Variants in CD163L1 observed in about 807,000 individuals in gnomAD.
CD163L1 encodes the protein scavenger receptor cysteine-rich type 1 protein M160.
CD163L1 carries 124 observed loss-of-function variants against 165.4 expected under a neutral mutation model. That is an observed-to-expected ratio of 0.75 (90% CI 0.65 to 0.87). CD163L1 has a LOEUF of 0.87. Ranked by LOEUF, CD163L1 falls within the 40% of genes least tolerant of loss-of-function variation. CD163L1 has a pLI of 0.00. For missense variants in CD163L1, 1,525 were observed against 1,799.9 expected, an observed-to-expected ratio of 0.85 and a Z score of 2.76; for synonymous variants, 585 against 662.2, an observed-to-expected ratio of 0.88 and a Z score of 1.79.
rs1194493137 is a variant in CD163L1 at position 7,398,004 on chromosome 12, A to C, written c.1729+260T>G. Reference sequence around the variant, plus strand: ...ATCCAAAGGTGGCCTACACTTAATGAAGTTAAAAGGCCAAACTGCTTCTGT... The same window carrying C: ...ATCCAAAGGTGGCCTACACTTAATGCAGTTAAAAGGCCAAACTGCTTCTGT... On this transcript the variant is annotated intron_variant, in intron 7 of 19. Coordinates refer to ENST00000313599, the MANE Select transcript of CD163L1 (RefSeq NM_174941.6). This position sits in a 1 kb window ranked among gnomAD's most constrained non-coding sequence, Gnocchi z 4.5. Among the ~76,000 whole-genome samples the C allele has an allele frequency of 6.6e-6, 1 of 152,178 alleles. No individual in the cohort carries two copies. The highest frequency in any genetic ancestry group is 1.5e-5 in the Non-Finnish European group (1 of 68,030).
intron 2 of CD163L1, chr12:7,439,885 C>A: frequency 2.5e-6 from 4 of 1,606,210 alleles, no homozygotes; most frequent in Non-Finnish European, 3.4e-6. Flanking sequence ...ATTATCCCCG[C>A]CCACTACTCC....
chr12:7,361,979 T>C (rs1177178033), intron 18 of CD163L1, among the ~76,000 whole-genome samples: 1 of 151,802 alleles, frequency 6.6e-6, no homozygotes, highest in Non-Finnish European at 1.5e-5. Context: ...GATTGCTCTA[T>C]GTACCTCTTA....
the CD163L1 span, among the ~76,000 whole-genome samples, chr12:7,333,789 A>G: frequency 6.6e-6 from 1 of 152,218 alleles, no homozygotes; most frequent in East Asian, 1.9e-4. Flanking sequence ...TAGACACCAT[A>G]AAAAATGACA....
In CD163L1 at chr12:7,402,893, A is replaced by G. The variant is rs186572543; in HGVS notation, c.1408+642T>C. Among the ~76,000 whole-genome samples the G allele has an allele frequency of 4.4e-4, 67 of 152,226 alleles. 1 individual carries two copies. Among genetic ancestry groups the G allele is most frequent in the Non-Finnish European group, 5.9e-5 (4 of 68,026 alleles). On this transcript the variant is annotated intron_variant, in intron 6 of 19. Coordinates refer to ENST00000313599, the MANE Select transcript of CD163L1 (RefSeq NM_174941.6). Reference sequence around the variant, plus strand: ...AGTGATCTTCCTGTGGTAGTCTCCCAAAGTGTTGGGGTTACAGGTGTGAGC... The same window carrying G: ...AGTGATCTTCCTGTGGTAGTCTCCCGAAGTGTTGGGGTTACAGGTGTGAGC...
At position 7,381,218 on chromosome 12, in the gene CD163L1, A is replaced by G. The variant is rs1160459493; in HGVS notation, c.2051-1920T>C. On this transcript the variant is annotated intron_variant, in intron 8 of 19. Transcript: ENST00000313599. ...ACAGATCTGACATGTCAGAAAATCA[A>G]CTCTGACTTTGACCAGATCAAACCT... 2.0e-5 allele frequency among the ~76,000 whole-genome samples: 3 copies of G among 152,100 alleles called. No individual in the cohort carries two copies. The East Asian group carries it at 5.8e-4, about 29-fold the overall frequency.
Position 7,369,335 on chromosome 12 carries a change from A to G in CD163L1, c.4039+22T>C. 6.2e-7 allele frequency: 1 copy of G among 1,606,470 alleles called. No individual in the cohort carries two copies. The highest frequency in any genetic ancestry group is 8.5e-7 in the Non-Finnish European group (1 of 1,175,154). On this transcript the variant is annotated intron_variant, in intron 15 of 19. Transcript: ENST00000313599. This position sits in a 1 kb window ranked among gnomAD's most constrained non-coding sequence, Gnocchi z 4.9. ...TACCATTAGTGGGAGGCTCAGTTTA[A>G]GTGCAGCCTTTTCACACTTACCAGA...
intron 6 of CD163L1, among the ~76,000 whole-genome samples, chr12:7,399,442 T>A: frequency 6.6e-6 from 1 of 150,680 alleles, no homozygotes; most frequent in Admixed American, 6.6e-5. Context: ...TTCTTCTTCC[T>A]CTTCCTCTTC....
chr12:7,440,200 C>T (rs1157131581), intron 2 of CD163L1, among the ~76,000 whole-genome samples: 1 of 152,216 alleles, frequency 6.6e-6, no homozygotes, highest in Non-Finnish European at 1.5e-5. Context: ...GGACACTTAA[C>T]ACTCGCGTCG....
the CD163L1 span, among the ~76,000 whole-genome samples, chr12:7,321,573 G>C: frequency 3.8e-3 from 574 of 152,274 alleles, 3 homozygotes; most frequent in African/African-American, 0.013. Context: ...TCAGCATCTT[G>C]TTCACATTTC....
the CD163L1 span, among the ~76,000 whole-genome samples, chr12:7,318,891 T>TAA: frequency 1.6e-4 from 25 of 152,194 alleles, no homozygotes; most frequent in African/African-American, 4.8e-5. Flanking sequence ...GACAAGATGG[T>TAA]TTAAGGCAGC....
intron 8 of CD163L1, among the ~76,000 whole-genome samples, chr12:7,395,359 C>T (rs1947750133): frequency 7.3e-6 from 1 of 137,394 alleles, no homozygotes; most frequent in South Asian, 2.3e-4. Context: ...AAACCAAACA[C>T]CCCATGTTCT....
At position 7,368,974 on chromosome 12, in the gene CD163L1, G is replaced by A; in HGVS notation, c.4040-9C>T. On this transcript the variant is annotated splice_polypyrimidine_tract_variant and intron_variant, in intron 15 of 19. Coordinates refer to ENST00000313599, the MANE Select transcript of CD163L1 (RefSeq NM_174941.6). The surrounding 1 kb of genome is among the most constrained non-coding windows in gnomAD (Gnocchi z 4.3). ...TGATTTCAGCGACTGTCCTGAGAGA[G>A]AGAGAGAGAGAGAGAGACGTAAATG... The A allele has an allele frequency of 6.2e-7, 1 of 1,608,840 alleles. No individual in the cohort carries two copies. Among genetic ancestry groups the A allele is most frequent in the Non-Finnish European group, 8.5e-7 (1 of 1,176,132 alleles).
At chr12:7,355,301 C>A (rs1264304323) in intron 19 of CD163L1, among the ~76,000 whole-genome samples, 171 bp from the exon 20 acceptor site, 1 of 152,090 alleles carries the variant, frequency 6.6e-6, no homozygotes, top group Non-Finnish European at 1.5e-5. Flanking sequence ...ATTAATATTT[C>A]TTTTTTGTGC....
the CD163L1 span, among the ~76,000 whole-genome samples, chr12:7,332,140 A>T: frequency 6.6e-6 from 1 of 152,360 alleles, no homozygotes; most frequent in South Asian, 2.1e-4. Context: ...ACGAATGCAC[A>T]AGCCTCAGTA....
intron 4 of CD163L1, among the ~76,000 whole-genome samples, chr12:7,409,325 G>A (rs1187095454): frequency 2.0e-5 from 3 of 152,052 alleles, no homozygotes; most frequent in Non-Finnish European, 4.4e-5. Context: ...CACCAAAGGA[G>A]ACCCTCAATA....
At chr12:7,383,217 G>A (rs1406006634) in intron 8 of CD163L1, among the ~76,000 whole-genome samples, 1 of 152,108 alleles carries the variant, frequency 6.6e-6, no homozygotes, top group Non-Finnish European at 1.5e-5. Flanking sequence ...ACTCACCATA[G>A]TCTGTCCCTG....
chr12:7,438,920 AC>A, intron 2 of CD163L1: 1 of 1,603,228 alleles, frequency 6.2e-7, no homozygotes, highest in Non-Finnish European at 8.5e-7. Flanking sequence ...CTTTTTAGGC[AC>A]AGTTTTCTTC....
intron 5 of CD163L1, among the ~76,000 whole-genome samples, chr12:7,405,373 A>G (rs1947996870): frequency 6.6e-6 from 1 of 151,688 alleles, no homozygotes; most frequent in Admixed American, 6.6e-5. Context: ...TGTGGAGAAA[A>G]ATTTTTCTTA....
chr12:7,415,010 C>T (rs1948209226), intron 4 of CD163L1, among the ~76,000 whole-genome samples: 1 of 151,972 alleles, frequency 6.6e-6, no homozygotes, highest in Non-Finnish European at 1.5e-5. Flanking sequence ...GAAAAATATG[C>T]AAGTATAAAG....
Sources: allele counts gnomAD v4.1 joint callset (sites outside exome capture counted in the v4.1 genomes callset), GRCh38; gene constraint gnomAD v4.1.1; non-coding constraint Gnocchi (gnomAD v3.1); transcripts MANE v1.5; gene names NCBI Gene and HGNC (gene_info 2026-07-23, HGNC 2026-07-21).